Variants in ADCY8 observed in about 807,000 individuals in gnomAD.
The protein encoded by ADCY8 is adenylate cyclase 8.
ADCY8 carries 51 observed loss-of-function variants against 119.7 expected under a neutral mutation model. The ratio of observed to expected loss-of-function variants is 0.43; its 90% CI spans 0.34 to 0.54. The LOEUF (loss-of-function observed/expected upper bound fraction) is 0.54. ADCY8 is among the 20% of genes least tolerant of loss of function. The probability of loss-of-function intolerance (pLI) is 0.03; values close to 1 mark genes in which losing one functional copy is unlikely to be tolerated. For synonymous variants in ADCY8, 665 were observed against 651.0 expected, an observed-to-expected ratio of 1.02 and a Z score of -0.33; for missense variants, 1,383 against 1,598.8, an observed-to-expected ratio of 0.87 and a Z score of 2.30.
intron 11 of ADCY8, 52 bp from the exon 12 acceptor site, chr8:130,836,501 C>T (rs1189638074): frequency 1.0e-5 from 16 of 1,576,512 alleles, no homozygotes; most frequent in South Asian, 2.3e-5. Context: ...GCAGTTCCCT[C>T]TCCTAGCCAT....
At chr8:130,844,240 G>A (rs183149136) in intron 11 of ADCY8, among the ~76,000 whole-genome samples, 82 of 152,254 alleles carry the variant, frequency 5.4e-4, no homozygotes, top group Middle Eastern at 3.4e-3. Flanking sequence ...CTGGGTTTGT[G>A]CATGTGATTT....
At chr8:130,792,487 G>A (rs559847470) in intron 15 of ADCY8, among the ~76,000 whole-genome samples, 1 of 152,282 alleles carries the variant, frequency 6.6e-6, no homozygotes, top group East Asian at 1.9e-4. Flanking sequence ...TCTAACAGGT[G>A]TCTCAGATCT....
At chr8:130,958,927 C>T (rs568380923) in intron 2 of ADCY8, among the ~76,000 whole-genome samples, 1 of 151,416 alleles carries the variant, frequency 6.6e-6, no homozygotes, top group East Asian at 1.9e-4. Context: ...TGATGATATA[C>T]CTTTTGTCTC....
At chr8:130,980,552 T>C (rs1176035631) in intron 2 of ADCY8, among the ~76,000 whole-genome samples, 1 of 152,144 alleles carries the variant, frequency 6.6e-6, no homozygotes, top group African/African-American at 2.4e-5. Context: ...TATTACTGCA[T>C]GTCAGGGAAA....
intron 9 of ADCY8, among the ~76,000 whole-genome samples, chr8:130,860,015 G>T (rs971756892): frequency 2.0e-5 from 3 of 152,056 alleles, no homozygotes; most frequent in African/African-American, 7.2e-5. Flanking sequence ...TCATTGTCTG[G>T]ATATGCCACA....
chr8:130,817,339 A>G (rs1816379961), intron 13 of ADCY8, among the ~76,000 whole-genome samples: 1 of 152,242 alleles, frequency 6.6e-6, no homozygotes, highest in Non-Finnish European at 1.5e-5. Context: ...GCCCACTGAA[A>G]TCAAGTTCTA....
chr8:131,036,992 T>C (rs762337707), intron 1 of ADCY8, among the ~76,000 whole-genome samples: 5 of 152,182 alleles, frequency 3.3e-5, no homozygotes, highest in Non-Finnish European at 2.9e-5. Flanking sequence ...CATGGAAAAC[T>C]AAATAGTACC....
In ADCY8 at chr8:130,821,382, A is replaced by G. The variant is rs1437733218; in HGVS notation, c.2714T>C (p.Met905Thr). The G allele has an allele frequency of 3.7e-6, 6 of 1,613,580 alleles. No homozygotes were observed. The highest frequency in any genetic ancestry group is 2.2e-5 in the East Asian group (1 of 44,882). ...LGTKEVSLLL[M>T]AMFLLAVFYH... The stretch of plus-strand genomic sequence containing the variant: ...GAACACAGCCAGGAGGAACATGGCC[A>G]TCAGTAGCAGTGATACCTCCTTGGT... Residue 905 changes from methionine (M) to threonine (T), a missense_variant, in exon 13 of 18, where the codon ATG becomes ACG. Met to Thr is a moderately conservative substitution (Grantham distance 81). Coordinates refer to ENST00000286355, the MANE Select transcript of ADCY8 (RefSeq NM_001115.3).
At chr8:130,837,764 A>T (rs1234968010) in intron 11 of ADCY8, among the ~76,000 whole-genome samples, 1 of 152,260 alleles carries the variant, frequency 6.6e-6, no homozygotes, top group African/African-American at 2.4e-5. Flanking sequence ...TTGTGGCAAT[A>T]TTGTGATCTC....
At chr8:131,025,660 A>C (rs1279734767) in intron 1 of ADCY8, among the ~76,000 whole-genome samples, 1 of 152,214 alleles carries the variant, frequency 6.6e-6, no homozygotes, top group Non-Finnish European at 1.5e-5. Context: ...ATTAAGAATA[A>C]TTTCCTCATC....
intron 1 of ADCY8, among the ~76,000 whole-genome samples, chr8:131,037,164 G>C (rs1010622491): frequency 6.6e-6 from 1 of 152,144 alleles, no homozygotes; most frequent in Non-Finnish European, 1.5e-5. Flanking sequence ...TTCTTTTAGA[G>C]TTTTGGTAAA....
At chr8:130,816,960 A>C (rs1816367156) in intron 13 of ADCY8, among the ~76,000 whole-genome samples, 1 of 152,210 alleles carries the variant, frequency 6.6e-6, no homozygotes, top group Non-Finnish European at 1.5e-5. Flanking sequence ...ATAACCAAGC[A>C]GACAAACCAA....
At chr8:130,859,091 T>C (rs1817842753) in intron 9 of ADCY8, among the ~76,000 whole-genome samples, 1 of 152,170 alleles carries the variant, frequency 6.6e-6, no homozygotes, top group Admixed American at 6.5e-5. Flanking sequence ...AACCAAGATG[T>C]GAGTGGTAGA....
chr8:130,798,194 T>C (rs1032932189), intron 15 of ADCY8, among the ~76,000 whole-genome samples: 18 of 152,186 alleles, frequency 1.2e-4, no homozygotes, highest in Admixed American at 9.2e-4. Flanking sequence ...TAAGTGGCTA[T>C]TGGGTGGTAA....
At chr8:131,035,991 G>A (rs1824140848) in intron 1 of ADCY8, among the ~76,000 whole-genome samples, 1 of 152,212 alleles carries the variant, frequency 6.6e-6, no homozygotes, top group Non-Finnish European at 1.5e-5. Flanking sequence ...TTCGTTAAAT[G>A]TTTATTTAAC....
chr8:131,017,394 G>A (rs1823513351), intron 1 of ADCY8, among the ~76,000 whole-genome samples: 1 of 152,188 alleles, frequency 6.6e-6, no homozygotes, highest in African/African-American at 2.4e-5. Context: ...TCTAAAGTCA[G>A]AGCAGGCAGC....
intron 1 of ADCY8, among the ~76,000 whole-genome samples, chr8:130,991,193 A>G (rs952887470): frequency 6.6e-6 from 1 of 152,222 alleles, no homozygotes; most frequent in South Asian, 2.1e-4. Context: ...AGAAAAGTAG[A>G]CAGATTCTTG....
At chr8:130,949,368 C>T (rs1051181302) in intron 3 of ADCY8, 1 of 152,050 alleles carries the variant, frequency 6.6e-6, no homozygotes, top group Non-Finnish European at 1.5e-5. Context: ...GTGACAGGTA[C>T]TTTCATCATA....
At chr8:130,883,805 A>T (rs1818871849) in intron 8 of ADCY8, among the ~76,000 whole-genome samples, 1 of 152,112 alleles carries the variant, frequency 6.6e-6, no homozygotes, top group Non-Finnish European at 1.5e-5. Context: ...TCTCCAGTTC[A>T]AAGCTGAGGT....
Sources: gnomAD v4.1 joint callset for allele counts (sites outside exome capture counted in the v4.1 genomes callset) on GRCh38, gnomAD v4.1.1 for gene constraint, MANE v1.5 for transcripts, NCBI Gene and HGNC (gene_info 2026-07-23, HGNC 2026-07-21) for gene names.